The following BICC1 variants were observed in gnomAD, a reference collection of about 807,000 sequenced individuals.
BICC1 encodes the protein BicC family RNA binding protein 1.
In BICC1, 43 loss-of-function variants were observed where a neutral mutation model predicts 111.0. The ratio of observed to expected loss-of-function variants is 0.39; its 90% CI spans 0.30 to 0.50. The LOEUF (loss-of-function observed/expected upper bound fraction) is 0.50, where lower values mean the gene tolerates loss of function less well. BICC1 is among the 20% of genes least tolerant of loss of function. The probability of loss-of-function intolerance (pLI) is 0.88; values close to 1 mark genes in which losing one functional copy is unlikely to be tolerated. For missense variants in BICC1, 1,091 were observed against 1,203.2 expected, an observed-to-expected ratio of 0.91 and a Z score of 1.38; for synonymous variants, 467 against 434.4, an observed-to-expected ratio of 1.07 and a Z score of -0.93.
At chr10:58,807,937 G>A (rs553665050) in intron 17 of BICC1, among the ~76,000 whole-genome samples, 1 of 152,282 alleles carries the variant, frequency 6.6e-6, no homozygotes, top group African/African-American at 2.4e-5. Context: ...AGAGAGCACT[G>A]TAGGCCAAAA....
intron 1 of BICC1, among the ~76,000 whole-genome samples, chr10:58,600,863 A>G (rs1406284379): frequency 6.6e-6 from 1 of 152,002 alleles, no homozygotes; most frequent in Non-Finnish European, 1.5e-5. Context: ...AACATAGAAA[A>G]TATGTTTTAA....
At chr10:58,727,855 C>T (rs1448075164) in intron 3 of BICC1, among the ~76,000 whole-genome samples, 1 of 152,148 alleles carries the variant, frequency 6.6e-6, no homozygotes, top group African/African-American at 2.4e-5. Flanking sequence ...GTGAGTCACA[C>T]ACATTTTTAG....
chr10:58,794,357 TCTC>T (rs1415333316), intron 9 of BICC1, among the ~76,000 whole-genome samples: 1 of 152,010 alleles, frequency 6.6e-6, no homozygotes, highest in Non-Finnish European at 1.5e-5. Context: ...TCTTGGAATC[TCTC>T]CTCAGAGTGT....
At chr10:58,566,313 T>C (rs1372859154) in intron 1 of BICC1, among the ~76,000 whole-genome samples, 1 of 152,012 alleles carries the variant, frequency 6.6e-6, no homozygotes, top group Non-Finnish European at 1.5e-5. Flanking sequence ...CCACATGGTG[T>C]GTATATATAT....
chr10:58,626,592 GT>G (rs961579806), intron 2 of BICC1, among the ~76,000 whole-genome samples: 36 of 152,132 alleles, frequency 2.4e-4, no homozygotes, highest in African/African-American at 8.7e-4. Context: ...AGTCTTTCAA[GT>G]TTTGTTCTTG....
rs147764313 is a variant in BICC1 at position 58,551,905 on chromosome 10, T to A, written c.190+38572T>A. On this transcript the variant is annotated intron_variant, in intron 1 of 20. Coordinates refer to ENST00000373886, the MANE Select transcript of BICC1 (RefSeq NM_001080512.3). ...TTTAGTGCAAGGAACACCATGCAAG[T>A]TAATTTTAGAAATTAGTCTTCTGAA... Among the ~76,000 whole-genome samples the A allele has an allele frequency of 5.2e-3, 793 of 152,244 alleles. 4 individuals are homozygous for A. The highest frequency in any genetic ancestry group is 0.018 in the African/African-American group (757 of 41,538).
chr10:58,646,247 T>G (rs1194718919), intron 2 of BICC1, among the ~76,000 whole-genome samples: 1 of 152,192 alleles, frequency 6.6e-6, no homozygotes, highest in Non-Finnish European at 1.5e-5. Flanking sequence ...AGTTTAAAAG[T>G]CAGCATCTTT....
intron 3 of BICC1, among the ~76,000 whole-genome samples, chr10:58,711,319 A>G (rs1392732235): frequency 6.6e-6 from 1 of 152,140 alleles, no homozygotes; most frequent in African/African-American, 2.4e-5. Context: ...CTCAGAGGAG[A>G]ACAGAGACCT....
At chr10:58,808,559 A>G (rs1843788336) in intron 17 of BICC1, among the ~76,000 whole-genome samples, 1 of 152,164 alleles carries the variant, frequency 6.6e-6, no homozygotes, top group Non-Finnish European at 1.5e-5. Flanking sequence ...GGTCAAGTTC[A>G]GGGTTCTGAT....
intron 3 of BICC1, among the ~76,000 whole-genome samples, chr10:58,736,268 G>A (rs1386442952): frequency 2.0e-5 from 3 of 152,020 alleles, no homozygotes; most frequent in Non-Finnish European, 4.4e-5. Flanking sequence ...AGATGCAGTG[G>A]GATATACCAC....
At chr10:58,657,301 T>C (rs570359256) in intron 2 of BICC1, among the ~76,000 whole-genome samples, 14 of 152,296 alleles carry the variant, frequency 9.2e-5, no homozygotes, top group Middle Eastern at 3.4e-3. Flanking sequence ...CTCATTGGCG[T>C]TTTTGTCTGC....
chr10:58,792,057 G>A (rs375343414), intron 8 of BICC1, among the ~76,000 whole-genome samples: 1 of 152,142 alleles, frequency 6.6e-6, no homozygotes, highest in African/African-American at 2.4e-5. Flanking sequence ...CTCCCAAAGT[G>A]CTGGGATTAC....
At chr10:58,810,368 G>A (rs1458887345) in intron 17 of BICC1, among the ~76,000 whole-genome samples, 3 of 152,172 alleles carry the variant, frequency 2.0e-5, no homozygotes, top group African/African-American at 7.2e-5. Context: ...GGGTGGGTGA[G>A]ACCTGCTAGA....
intron 3 of BICC1, among the ~76,000 whole-genome samples, chr10:58,722,255 G>C (rs1251833608): frequency 6.6e-6 from 1 of 152,242 alleles, no homozygotes; most frequent in East Asian, 1.9e-4. Context: ...GCACTGGGGT[G>C]GTCCTATCCA....
At chr10:58,607,073 T>C (rs1239103240) in intron 1 of BICC1, among the ~76,000 whole-genome samples, 3 of 152,058 alleles carry the variant, frequency 2.0e-5, no homozygotes, top group Non-Finnish European at 2.9e-5. Context: ...TTCCAGCACT[T>C]TGGGAGGCCG....
intron 3 of BICC1, among the ~76,000 whole-genome samples, chr10:58,733,754 A>G (rs1841388104): frequency 6.6e-6 from 1 of 152,302 alleles, no homozygotes; most frequent in South Asian, 2.1e-4. Flanking sequence ...AGCATCATAA[A>G]TGCATTGCTG....
chr10:58,742,492 C>T (rs1841701319), intron 3 of BICC1, among the ~76,000 whole-genome samples: 1 of 136,474 alleles, frequency 7.3e-6, no homozygotes, highest in Admixed American at 8.6e-5. Flanking sequence ...GGCTGGAGTG[C>T]AGTGGCACAA....
At chr10:58,751,129 G>A (rs2132643911) in intron 3 of BICC1, among the ~76,000 whole-genome samples, 1 of 152,220 alleles carries the variant, frequency 6.6e-6, no homozygotes, top group Non-Finnish European at 1.5e-5. Context: ...CAAGTCTCCA[G>A]TAACTATTCT....
At chr10:58,745,994 C>T (rs1359460770) in intron 3 of BICC1, among the ~76,000 whole-genome samples, 1 of 151,976 alleles carries the variant, frequency 6.6e-6, no homozygotes, top group Non-Finnish European at 1.5e-5. Flanking sequence ...TTACCACAGG[C>T]AGATGAGAGA....
Sources: allele counts gnomAD v4.1 joint callset (sites outside exome capture counted in the v4.1 genomes callset), GRCh38; gene constraint gnomAD v4.1.1; transcripts MANE v1.5; gene names NCBI Gene and HGNC (gene_info 2026-07-23, HGNC 2026-07-21).